Variants in UNC5D observed in about 807,000 individuals in gnomAD.
The protein encoded by UNC5D is netrin receptor UNC5D.
Under a neutral mutation model 105.4 loss-of-function variants are expected in UNC5D, and 39 were observed. The observed-to-expected ratio is 0.37, with a 90% CI of 0.29 to 0.48. UNC5D has a LOEUF of 0.48. Among genes scored for constraint, UNC5D ranks in the 20% least tolerant of loss-of-function variants. The pLI is 0.98. For missense variants in UNC5D, 991 were observed against 1,202.4 expected (o/e 0.82, Z 2.60); for synonymous variants, 452 against 450.4 (o/e 1.00, Z -0.04).
At chr8:35,450,218 C>T (rs1585869713) in intron 1 of UNC5D, among the ~76,000 whole-genome samples, 2 of 152,078 alleles carry the variant, frequency 1.3e-5, no homozygotes, top group Non-Finnish European at 2.9e-5. Context: ...TGAGGAAATG[C>T]ACAGTAATGC....
intron 4 of UNC5D, among the ~76,000 whole-genome samples, chr8:35,679,046 C>T (rs377592868): frequency 2.6e-5 from 4 of 151,842 alleles, no homozygotes; most frequent in Admixed American, 2.0e-4. Flanking sequence ...CCCAGGAGTT[C>T]GAGACCAGCC....
intron 7 of UNC5D, among the ~76,000 whole-genome samples, chr8:35,703,146 G>A (rs1293180676): frequency 6.6e-6 from 1 of 151,290 alleles, no homozygotes; most frequent in Non-Finnish European, 1.5e-5. Context: ...TTTCTGATTT[G>A]GAGTTGTGAC....
chr8:35,476,166 G>T (rs1641577175), intron 1 of UNC5D, among the ~76,000 whole-genome samples: 1 of 152,106 alleles, frequency 6.6e-6, no homozygotes, highest in Admixed American at 6.6e-5. Context: ...TTGGGTTAGG[G>T]CCATTATTTC....
rs546084636 is a variant in UNC5D, at chr8:35,649,055, A to G, written c.571-34492A>G. Among the ~76,000 whole-genome samples, 13 of 152,320 alleles carry G rather than the reference A, an allele frequency of 8.5e-5. No individual in the cohort carries two copies. The East Asian group carries it at 2.5e-3, about 29-fold the overall frequency. Reference sequence around the variant, plus strand: ...TTTATTACATACTAAGATTTAGCTTATCTTTGAGATTATGTTCTTAGAAAA... The same window carrying G: ...TTTATTACATACTAAGATTTAGCTTGTCTTTGAGATTATGTTCTTAGAAAA... On this transcript the variant is annotated intron_variant, in intron 4 of 16. Transcript: ENST00000404895.
At chr8:35,534,299 C>T (rs1037016748) in intron 1 of UNC5D, among the ~76,000 whole-genome samples, 14 of 152,088 alleles carry the variant, frequency 9.2e-5, no homozygotes, top group African/African-American at 2.9e-4. Flanking sequence ...TTCCATCCTA[C>T]TGTCAACTTT....
Position 35,292,677 on chromosome 8 carries a change from T to C in UNC5D, c.103+56790T>C, listed in dbSNP as rs529608943. Among the ~76,000 whole-genome samples the C allele has an allele frequency of 2.0e-5, 3 of 152,166 alleles. No homozygotes were observed. In the South Asian group the frequency reaches 6.2e-4, roughly 32 times the overall value. On this transcript the variant is annotated intron_variant, in intron 1 of 16. Transcript: ENST00000404895. ...ATAAATGATGTATACATATTTTGTATGTTATTTTGCTATATGCTGTAGTCC... is the reference window on the plus strand; with the variant it reads ...ATAAATGATGTATACATATTTTGTACGTTATTTTGCTATATGCTGTAGTCC...
At chr8:35,597,143 C>T (rs994220064) in intron 4 of UNC5D, among the ~76,000 whole-genome samples, 2 of 152,138 alleles carry the variant, frequency 1.3e-5, no homozygotes, top group Non-Finnish European at 2.9e-5. Flanking sequence ...TGAAAAAACA[C>T]ACATACTTGC....
At chr8:35,320,231 T>C (rs1809626711) in intron 1 of UNC5D, among the ~76,000 whole-genome samples, 1 of 151,904 alleles carries the variant, frequency 6.6e-6, no homozygotes, top group Admixed American at 6.6e-5. Flanking sequence ...AGTTCCAGGT[T>C]ATAGGTGGTT....
intron 4 of UNC5D, among the ~76,000 whole-genome samples, chr8:35,627,343 G>T (rs551843618): frequency 6.6e-6 from 1 of 152,224 alleles, no homozygotes; most frequent in East Asian, 1.9e-4. Flanking sequence ...GACCTAATTT[G>T]ATTCATCATC....
At chr8:35,256,976 G>A (rs200347040) in intron 1 of UNC5D, among the ~76,000 whole-genome samples, 1 of 132,466 alleles carries the variant, frequency 7.5e-6, no homozygotes, top group Non-Finnish European at 1.6e-5. Context: ...TTTTTTTTTT[G>A]TTTTTTGTTT....
At chr8:35,775,866 T>G (rs1029089053) in intron 16 of UNC5D, among the ~76,000 whole-genome samples, 2 of 152,056 alleles carry the variant, frequency 1.3e-5, no homozygotes, top group African/African-American at 4.8e-5. Flanking sequence ...AAGAGAAAAC[T>G]GAATTTACAG....
intron 1 of UNC5D, among the ~76,000 whole-genome samples, chr8:35,382,691 T>C (rs999431440): frequency 4.6e-5 from 7 of 152,174 alleles, no homozygotes; most frequent in Non-Finnish European, 7.4e-5. Context: ...TTATAGTGAC[T>C]CTGTCTGGAC....
chr8:35,332,054 T>C (rs1037145528), intron 1 of UNC5D, among the ~76,000 whole-genome samples: 1 of 152,216 alleles, frequency 6.6e-6, no homozygotes, highest in African/African-American at 2.4e-5. Context: ...CAGAATCTTC[T>C]AATATAAAGA....
At position 35,684,567 on chromosome 8, in the gene UNC5D, A is replaced by G. The variant is rs377501095; in HGVS notation, c.752-15A>G. 1.0e-5 allele frequency: 16 copies of G among 1,606,244 alleles called. No homozygotes were observed. Among genetic ancestry groups the G allele is most frequent in the Non-Finnish European group, 1.3e-5 (15 of 1,177,440 alleles). On this transcript the variant is annotated splice_polypyrimidine_tract_variant and intron_variant, in intron 5 of 16. Coordinates refer to ENST00000404895, the MANE Select transcript of UNC5D (RefSeq NM_080872.4). ...TCTCTCCTTTTTTTCTCCCCTCCCC[A>G]TTTTTCTCTCTCAGTGAATGGAGGC...
intron 7 of UNC5D, among the ~76,000 whole-genome samples, chr8:35,705,007 G>A (rs908885937): frequency 1.1e-4 from 15 of 134,566 alleles, no homozygotes; most frequent in South Asian, 2.4e-4. Context: ...GCTGTTGCCC[G>A]GGCTGGAGTG....
intron 11 of UNC5D, among the ~76,000 whole-genome samples, chr8:35,737,434 T>C (rs960809089): frequency 2.0e-5 from 3 of 151,878 alleles, no homozygotes; most frequent in African/African-American, 7.3e-5. Context: ...GGGAGCAACT[T>C]TGGATTTCTT....
intron 1 of UNC5D, among the ~76,000 whole-genome samples, chr8:35,459,351 A>G (rs769887300): frequency 3.3e-5 from 5 of 152,178 alleles, no homozygotes; most frequent in Non-Finnish European, 5.9e-5. Context: ...TGCCAATAAC[A>G]AGGAAAAGCA....
intron 4 of UNC5D, among the ~76,000 whole-genome samples, chr8:35,634,895 A>T (rs1425692627): frequency 6.6e-6 from 1 of 151,702 alleles, no homozygotes; most frequent in Admixed American, 6.6e-5. Context: ...GCTCCTGAGT[A>T]GCTGGGATTA....
chr8:35,244,212 G>C (rs1378576639), intron 1 of UNC5D, among the ~76,000 whole-genome samples: 1 of 152,168 alleles, frequency 6.6e-6, no homozygotes, highest in Non-Finnish European at 1.5e-5. Flanking sequence ...GACCAAAGTC[G>C]AACAAACCTA....
Sources: allele counts gnomAD v4.1 joint callset (sites outside exome capture counted in the v4.1 genomes callset), GRCh38; gene constraint gnomAD v4.1.1; transcripts MANE v1.5; gene names NCBI Gene and HGNC (gene_info 2026-07-23, HGNC 2026-07-21).